Variants in RAB40C observed in about 807,000 individuals in gnomAD.
The protein encoded by RAB40C is RAB40C, member RAS oncogene family, also known as ras-related protein Rab-40C.
Under a neutral mutation model 28.1 loss-of-function variants are expected in RAB40C, and 8 were observed. That is an observed-to-expected ratio of 0.28 (90% confidence interval 0.17 to 0.51). RAB40C has a LOEUF of 0.51. Ranked by LOEUF, RAB40C falls within the 20% of genes least tolerant of loss-of-function variation. The pLI is 0.97. For synonymous variants in RAB40C, 201 were observed against 171.7 expected (o/e 1.17, Z -1.34); for missense variants, 288 against 405.9 (o/e 0.71, Z 2.50).
chr16:602,394 A>G (rs957263603), intron 1 of RAB40C, among the ~76,000 whole-genome samples: 4 of 151,990 alleles, frequency 2.6e-5, no homozygotes, highest in African/African-American at 7.3e-5. Context: ...AGCTAAGACC[A>G]TAGGCATGCA....
At chr16:624,100 T>C (rs1368876076) in intron 3 of RAB40C, 20 of 985,372 alleles carry the variant, frequency 2.0e-5, no homozygotes, top group Non-Finnish European at 2.0e-5. Flanking sequence ...CCCCTGAGGC[T>C]GGACATTTAA....
At chr16:599,321 G>A (rs907014405) in intron 1 of RAB40C, among the ~76,000 whole-genome samples, 9 of 152,350 alleles carry the variant, frequency 5.9e-5, no homozygotes, top group East Asian at 3.9e-4. Flanking sequence ...ATGCCTGCCC[G>A]TGTCGGCCGG....
At chr16:592,944 C>A (rs902908479) in intron 1 of RAB40C, among the ~76,000 whole-genome samples, 15 of 152,210 alleles carry the variant, frequency 9.9e-5, no homozygotes, top group African/African-American at 3.4e-4. Flanking sequence ...GACGTGGAGA[C>A]CTGCCTGCTT....
At chr16:626,470 C>G (rs1482250272) in intron 5 of RAB40C, among the ~76,000 whole-genome samples, 1 of 152,156 alleles carries the variant, frequency 6.6e-6, no homozygotes, top group Non-Finnish European at 1.5e-5. Context: ...GCACAGGAGC[C>G]GTGCCTGCAG....
rs565191869 is a variant in RAB40C, at chr16:617,108, G to A, written c.143-100G>A. On this transcript the variant is annotated intron_variant, in intron 1 of 5. Coordinates refer to ENST00000248139, the MANE Select transcript of RAB40C (RefSeq NM_021168.5). ...GTGGGGGAGCTGCTTCTCCACTTCCGCGTGGGTCTTGGCCCTGGGAGGCCA... is the reference window on the plus strand; with the variant it reads ...GTGGGGGAGCTGCTTCTCCACTTCCACGTGGGTCTTGGCCCTGGGAGGCCA... 7.5e-5 allele frequency: 93 copies of A among 1,244,838 alleles called. No individual in the cohort carries two copies. The African/African-American group carries it at 1.1e-3, about 15-fold the overall frequency. 77.1% of individuals were successfully genotyped at this position (1,244,838 alleles called of 1,614,324 possible). A position where few individuals can be genotyped will look rare whatever the true frequency, so the allele number is the denominator to read the frequency against.
Position 629,247 on chromosome 16 carries a change from T to A in RAB40C, c.*1625T>A. 3.4e-6 allele frequency: 1 copy of A among 296,652 alleles called. No homozygotes were observed. The highest frequency in any genetic ancestry group is 3.1e-5 in the South Asian group (1 of 32,540). 18.4% of individuals were successfully genotyped at this position (296,652 alleles called of 1,614,324 possible). ...TCTCTCCGAACCGTTCTTTGTACAGTAAATGTAATTCAGCTGTGGTCCCCA... is the reference window on the plus strand; with the variant it reads ...TCTCTCCGAACCGTTCTTTGTACAGAAAATGTAATTCAGCTGTGGTCCCCA... On this transcript the variant is annotated 3_prime_UTR_variant, in exon 6 of 6. Coordinates refer to ENST00000248139, the MANE Select transcript of RAB40C (RefSeq NM_021168.5).
rs546678232 is a variant in RAB40C at position 595,473 on chromosome 16, G to A, written c.142+5040G>A. ...GCCACACACCTGCTTCTGCTGCACC[G>A]CGCACACTAAGTTCTCCTGAGACCC... On this transcript the variant is annotated intron_variant, in intron 1 of 5. Coordinates refer to ENST00000248139, the MANE Select transcript of RAB40C (RefSeq NM_021168.5). Among the ~76,000 whole-genome samples, 292 of 152,312 alleles carry A rather than the reference G, an allele frequency of 1.9e-3. 3 individuals are homozygous for A. The highest frequency in any genetic ancestry group is 0.014 in the Middle Eastern group (4 of 294).
At chr16:596,243 A>T in intron 1 of RAB40C, 1 of 453,330 alleles carries the variant, frequency 2.2e-6, no homozygotes, top group Non-Finnish European at 4.4e-6. Flanking sequence ...CGGGGAGCTG[A>T]GAGGTGGGCG....
chr16:625,907 C>G lies in RAB40C; in HGVS notation c.351C>G (p.Pro117=). 1 of 1,612,194 alleles carries G rather than the reference C, an allele frequency of 6.2e-7. No individual in the cohort carries two copies. The change falls in exon 5 of 6, where the codon CCC becomes CCG. Residue 117 remains proline, a synonymous_variant. Coordinates refer to ENST00000248139, the MANE Select transcript of RAB40C (RefSeq NM_021168.5). ...GAGTTCTGTGCCCCCAGCATGCACC[C>G]GGAGTCCCCCGGATCTTGGTTGGAA... ...RWIKEIDEHA[P]GVPRILVGNR... is the part of the protein sequence containing the mutation.
intron 1 of RAB40C, among the ~76,000 whole-genome samples, chr16:595,822 T>C (rs1410330996): frequency 2.6e-5 from 4 of 152,152 alleles, no homozygotes; most frequent in Non-Finnish European, 5.9e-5. Flanking sequence ...AGGCTGGTCT[T>C]GAACTGCTGA....
At chr16:614,763 C>T (rs577829353) in intron 1 of RAB40C, among the ~76,000 whole-genome samples, 14 of 151,842 alleles carry the variant, frequency 9.2e-5, no homozygotes, top group Admixed American at 6.6e-4. Flanking sequence ...CTAACTCTGC[C>T]GCATCCCGAC....
At chr16:603,180 CTTG>C (rs938220842) in intron 1 of RAB40C, among the ~76,000 whole-genome samples, 2 of 152,200 alleles carry the variant, frequency 1.3e-5, no homozygotes, top group African/African-American at 2.4e-5. Flanking sequence ...GCCCTTTTGG[CTTG>C]TTGTGGGTTT....
At chr16:617,369 C>T in intron 2 of RAB40C, 101 bp downstream of exon 2, 6 of 1,421,458 alleles carry the variant, frequency 4.2e-6, no homozygotes, top group Non-Finnish European at 5.0e-6. Flanking sequence ...GTTTGCATTT[C>T]ACTTGGAAGA....
intron 2 of RAB40C, 102 bp from the exon 3 acceptor site, chr16:618,098 C>T: frequency 8.7e-7 from 1 of 1,144,368 alleles, no homozygotes; most frequent in Non-Finnish European, 1.3e-6. Context: ...CCTGGCCGCC[C>T]CGCTCCCCTC....
rs756253469 is a variant in RAB40C at position 617,285 on chromosome 16, G to A, written c.203+17G>A. ...GGAGCTCTGGTGAGTTGGGGCTGCG[G>A]CACTTCAGTTCCTGGGTGAGGACAC... On this transcript the variant is annotated intron_variant, in intron 2 of 5. Coordinates refer to ENST00000248139, the MANE Select transcript of RAB40C (RefSeq NM_021168.5). 5 of 1,613,850 alleles carry A rather than the reference G, an allele frequency of 3.1e-6. No individual in the cohort carries two copies. The highest frequency in any genetic ancestry group is 1.3e-5 in the African/African-American group (1 of 74,938).
chr16:590,483 G>A (rs2035967631), intron 1 of RAB40C, 50 bp downstream of exon 1: 1 of 1,481,430 alleles, frequency 6.8e-7, no homozygotes, highest in Non-Finnish European at 9.0e-7. Flanking sequence ...CGAGCCCGGC[G>A]AGCTGGGCAC....
intron 3 of RAB40C, chr16:624,813 G>T: frequency 1.0e-6 from 1 of 985,474 alleles, no homozygotes; most frequent in African/African-American, 1.7e-5. Context: ...GTGCTCCCCT[G>T]TGCTGCTGGA....
At chr16:593,404 T>G (rs1368101301) in intron 1 of RAB40C, among the ~76,000 whole-genome samples, 1 of 152,252 alleles carries the variant, frequency 6.6e-6, no homozygotes, top group East Asian at 1.9e-4. Flanking sequence ...CCTCCATTGC[T>G]TTCTCTCCTT....
At chr16:616,413 A>C (rs1244990827) in intron 1 of RAB40C, among the ~76,000 whole-genome samples, 2 of 151,398 alleles carry the variant, frequency 1.3e-5, no homozygotes, top group African/African-American at 4.9e-5. Context: ...ATCTCGGCTC[A>C]CTGCAACCTC....
Sources: gnomAD v4.1 joint callset for allele counts (sites outside exome capture counted in the v4.1 genomes callset) on GRCh38, gnomAD v4.1.1 for gene constraint, MANE v1.5 for transcripts, NCBI Gene and HGNC (gene_info 2026-07-23, HGNC 2026-07-21) for gene names.